The following TUSC3 variants were observed in gnomAD, a reference collection of about 807,000 sequenced individuals.
The protein encoded by TUSC3 is dolichyl-diphosphooligosaccharide--protein glycosyltransferase subunit TUSC3.
TUSC3 carries 45 observed loss-of-function variants against 44.8 expected under a neutral mutation model. The ratio of observed to expected loss-of-function variants is 1.00; its 90% CI spans 0.79 to 1.29. The LOEUF (loss-of-function observed/expected upper bound fraction) is 1.29. Among genes scored for constraint, TUSC3 ranks in the 50% most tolerant of loss-of-function variants. The pLI is 0.00. For missense variants in TUSC3, 519 were observed against 437.9 expected, an observed-to-expected ratio of 1.19 and a Z score of -1.65; for synonymous variants, 212 against 152.9, an observed-to-expected ratio of 1.39 and a Z score of -2.85.
the TUSC3 span, chr8:15,807,188 T>C: frequency 0.51 from 378,977 of 748,518 alleles, 100,476 homozygotes; most frequent in Non-Finnish European, 0.57. Context: ...TTTCAATACG[T>C]CAACCTTGCA....
At chr8:15,823,832 G>T in the TUSC3 span, among the ~76,000 whole-genome samples, 1 of 152,100 alleles carries the variant, frequency 6.6e-6, no homozygotes, top group African/African-American at 2.4e-5. Flanking sequence ...ATTGGTATAT[G>T]AGCAGTAAAT....
At chr8:15,488,852 C>G (rs534430768) in intron 2 of TUSC3, among the ~76,000 whole-genome samples, 1 of 152,164 alleles carries the variant, frequency 6.6e-6, no homozygotes, top group African/African-American at 2.4e-5. Flanking sequence ...GTTGCATAAG[C>G]CACTCAGTCT....
intron 6 of TUSC3, among the ~76,000 whole-genome samples, chr8:15,716,995 T>A (rs1193994885): frequency 2.0e-5 from 3 of 152,096 alleles, no homozygotes; most frequent in African/African-American, 7.2e-5. Context: ...TTTAGTTGTT[T>A]TAAAATATAT....
chr8:15,455,865 A>G (rs755364373), intron 1 of TUSC3, among the ~76,000 whole-genome samples: 6 of 152,194 alleles, frequency 3.9e-5, no homozygotes, highest in Non-Finnish European at 8.8e-5. Flanking sequence ...CCAGGCTAGG[A>G]GGATAGAGGA....
rs1563201153 is a variant in TUSC3 at position 15,743,564 on chromosome 8, C to T, written c.889C>T (p.Leu297Phe). The change falls in exon 8 of 11, where the codon CTT becomes TTT. Residue 297 changes from leucine (L) to phenylalanine (F), a missense_variant. By Grantham distance (22) the Leu-to-Phe change is conservative. Transcript: ENST00000503731. ...LNAAITMGMV[L>F]LNEAATSKGD... ...TGCCGCTATCACCATGGGGATGGTT[C>T]TTCTAAATGAAGCAGCAACTTCGAA... is the stretch of plus-strand genomic sequence containing the variant. The T allele has an allele frequency of 6.2e-7, 1 of 1,613,888 alleles. No individual in the cohort carries two copies. The highest frequency in any genetic ancestry group is 1.1e-5 in the South Asian group (1 of 91,064).
the TUSC3 span, among the ~76,000 whole-genome samples, chr8:15,786,636 A>T: frequency 6.6e-6 from 1 of 152,056 alleles, no homozygotes; most frequent in Non-Finnish European, 1.5e-5. Flanking sequence ...AAATATACAG[A>T]AAACTCATTA....
intron 6 of TUSC3, among the ~76,000 whole-genome samples, chr8:15,687,589 A>G (rs890765287): frequency 3.3e-5 from 5 of 152,082 alleles, no homozygotes; most frequent in Admixed American, 1.3e-4. Flanking sequence ...AACTACATGC[A>G]TTCTTGATCC....
the TUSC3 span, among the ~76,000 whole-genome samples, chr8:15,802,647 A>G: frequency 6.7e-6 from 1 of 149,802 alleles, no homozygotes; most frequent in East Asian, 2.0e-4. Context: ...CTATTGAATA[A>G]GCAAACACAG....
At chr8:15,645,294 A>T (rs994149059) in intron 2 of TUSC3, among the ~76,000 whole-genome samples, 1 of 152,086 alleles carries the variant, frequency 6.6e-6, no homozygotes, top group Non-Finnish European at 1.5e-5. Flanking sequence ...CTTACATTCT[A>T]TTACTTGAAC....
chr8:15,608,253 G>C (rs893082752), intron 1 of TUSC3, among the ~76,000 whole-genome samples: 3 of 151,674 alleles, frequency 2.0e-5, no homozygotes, highest in Non-Finnish European at 4.4e-5. Context: ...ATCCTCAAGA[G>C]GTTCCTCTCT....
At chr8:15,662,006 G>A (rs1197090069) in intron 4 of TUSC3, 150 bp from the exon 5 acceptor site, 1 of 819,936 alleles carries the variant, frequency 1.2e-6, no homozygotes, top group Admixed American at 2.1e-5. Flanking sequence ...ATATCTTATG[G>A]CAGAATGAAA....
At chr8:15,540,867 CA>C (rs1801664680) in intron 1 of TUSC3, among the ~76,000 whole-genome samples, 1 of 152,196 alleles carries the variant, frequency 6.6e-6, no homozygotes, top group Non-Finnish European at 1.5e-5. Flanking sequence ...GCAATGGTGC[CA>C]CTAAAAGGGG....
At chr8:15,560,866 A>T (rs1160581675) in intron 1 of TUSC3, among the ~76,000 whole-genome samples, 1 of 69,310 alleles carries the variant, frequency 1.4e-5, no homozygotes, top group East Asian at 4.0e-4. Flanking sequence ...AGCTCCTTTA[A>T]GCACTTCTCT....
the TUSC3 span, among the ~76,000 whole-genome samples, chr8:15,850,700 G>A: frequency 6.6e-6 from 1 of 152,108 alleles, no homozygotes; most frequent in Non-Finnish European, 1.5e-5. Context: ...AATGGGTGAG[G>A]TGATGATGAC....
At chr8:15,603,050 G>A (rs916231823) in intron 1 of TUSC3, among the ~76,000 whole-genome samples, 1 of 151,534 alleles carries the variant, frequency 6.6e-6, no homozygotes, top group Non-Finnish European at 1.5e-5. Flanking sequence ...AGAAAAGTCT[G>A]TGTGACAAAG....
chr8:15,613,483 C>G (rs76111110), intron 1 of TUSC3, among the ~76,000 whole-genome samples: 2 of 152,234 alleles, frequency 1.3e-5, no homozygotes, highest in East Asian at 3.9e-4. Context: ...TTACAAACAT[C>G]AAGTCTCATG....
At chr8:15,442,719 C>T (rs986007929) in intron 1 of TUSC3, among the ~76,000 whole-genome samples, 1 of 152,106 alleles carries the variant, frequency 6.6e-6, no homozygotes, top group African/African-American at 2.4e-5. Context: ...ACAGAATCAT[C>T]CTGATGAAAG....
intron 2 of TUSC3, among the ~76,000 whole-genome samples, chr8:15,629,736 T>TAA (rs35310787): frequency 6.9e-6 from 1 of 144,504 alleles, no homozygotes; most frequent in East Asian, 2.0e-4. Context: ...TTCTTTTCTT[T>TAA]AAAAAAAAAA....
chr8:15,746,879 T>C (rs1811440324), intron 8 of TUSC3, among the ~76,000 whole-genome samples: 1 of 150,182 alleles, frequency 6.7e-6, no homozygotes. Flanking sequence ...ATCTGGGTCC[T>C]GGTATGTGTC....
Sources: gnomAD v4.1 joint callset for allele counts (sites outside exome capture counted in the v4.1 genomes callset) on GRCh38, gnomAD v4.1.1 for gene constraint, MANE v1.5 for transcripts, NCBI Gene and HGNC (gene_info 2026-07-23, HGNC 2026-07-21) for gene names.